The following PROSER1 variants were observed in gnomAD, a reference collection of about 807,000 sequenced individuals.
PROSER1 encodes proline and serine-rich protein 1.
PROSER1 carries 36 observed loss-of-function variants against 71.8 expected under a neutral mutation model. That is an observed-to-expected ratio of 0.50 (90% CI 0.38 to 0.66). PROSER1 has a LOEUF of 0.66. Among genes scored for constraint, PROSER1 ranks in the 30% least tolerant of loss-of-function variants. The pLI is 0.00. For missense variants in PROSER1, 1,107 were observed against 1,135.0 expected (o/e 0.98, Z 0.35); for synonymous variants, 490 against 452.4 (o/e 1.08, Z -1.06).
Position 39,022,181 on chromosome 13 carries a change from C to G in PROSER1, c.730+145G>C, listed in dbSNP as rs921694713. Reference sequence around the variant, plus strand: ...CATCAAGACTATGAAAACTGTCCCACATTACCAAGGATTCACTTCCAGATC... The same window carrying G: ...CATCAAGACTATGAAAACTGTCCCAGATTACCAAGGATTCACTTCCAGATC... On this transcript the variant is annotated intron_variant, in intron 9 of 12. Coordinates refer to ENST00000352251, the MANE Select transcript of PROSER1 (RefSeq NM_025138.5). 1.4e-5 allele frequency: 9 copies of G among 634,592 alleles called. No individual in the cohort carries two copies. In the Admixed American group the frequency reaches 2.5e-4, roughly 17 times the overall value. The allele number at this position is 634,592 out of a possible 1,614,324, so 39.3% of individuals were successfully genotyped here. A position where few individuals can be genotyped will look rare whatever the true frequency, so the allele number is the denominator to read the frequency against.
chr13:39,022,914 A>T, intron 8 of PROSER1, 138 bp downstream of exon 8: 1 of 635,468 alleles, frequency 1.6e-6, no homozygotes, highest in Non-Finnish European at 2.8e-6. Context: ...CTACTAGCTA[A>T]CTATGGGCAT....
chr13:39,028,066 C>T (rs1263897956), intron 5 of PROSER1, among the ~76,000 whole-genome samples, 161 bp downstream of exon 5: 1 of 152,138 alleles, frequency 6.6e-6, no homozygotes. Flanking sequence ...CATCAACCAG[C>T]TCTATTTCCA....
At chr13:39,032,172 T>C (rs1870876848) in intron 2 of PROSER1, among the ~76,000 whole-genome samples, 1 of 152,166 alleles carries the variant, frequency 6.6e-6, no homozygotes, top group African/African-American at 2.4e-5. Context: ...ACTTTAGTCC[T>C]AGTAGGTCCT....
chr13:39,026,300 T>C lies in PROSER1; in HGVS notation c.457A>G (p.Ser153Gly). 6.2e-7 allele frequency: 1 copy of C among 1,611,896 alleles called. No individual in the cohort carries two copies. Among genetic ancestry groups the C allele is most frequent in the Non-Finnish European group, 8.5e-7 (1 of 1,178,784 alleles). The part of the protein sequence containing the change: ...PGNPYPKGRP[S>G]RINGIFPGTP... ...ACTGGGAAAATTCCATTTATGCGGC[T>C]AGGTCTTCCTTTGGGATATGGATTT... Residue 153 changes from serine to glycine, a missense_variant, in exon 6 of 13, where the codon AGC becomes GGC. Transcript: ENST00000352251.
Position 39,012,767 on chromosome 13 carries a change from A to G in PROSER1, c.2485T>C (p.Ser829Pro). 1 of 1,613,880 alleles carries G rather than the reference A, an allele frequency of 6.2e-7. No homozygotes were observed. The highest frequency in any genetic ancestry group is 8.5e-7 in the Non-Finnish European group (1 of 1,179,852). ...AATCCTGGGAGGACTGGAGCTGGGG[A>G]TGGGGCTGTGGCAGCCACAGGTAGT... The part of the protein sequence containing the change: ...TPLPVAATAP[S>P]PAPVLPGFAS... The change falls in exon 11 of 13, where the codon TCC becomes CCC. Residue 829 changes from serine to proline, a missense_variant. By Grantham distance (74) the Ser-to-Pro change is moderately conservative (BLOSUM62 -1). Transcript: ENST00000352251.
In PROSER1 at chr13:39,014,348, T is replaced by A; in HGVS notation, c.904A>T (p.Thr302Ser). Residue 302 changes from threonine (T) to serine (S), a missense_variant, in exon 11 of 13, where the codon ACC becomes TCC. Thr to Ser is a moderately conservative substitution (Grantham distance 58). Coordinates refer to ENST00000352251, the MANE Select transcript of PROSER1 (RefSeq NM_025138.5). ...INHPSASAAATVSGMNLLNTV... is the reference protein window; with the variant it reads ...INHPSASAAASVSGMNLLNTV... ...TTCAGCAGGTTCATTCCAGAAACGG[T>A]GGCAGCTGCTGATGCTGATGGATGA... 6.2e-7 allele frequency: 1 copy of A among 1,613,956 alleles called. No individual in the cohort carries two copies. Among genetic ancestry groups the A allele is most frequent in the Non-Finnish European group, 8.5e-7 (1 of 1,179,948 alleles).
At chr13:39,019,104 C>G (rs1870157694) in intron 9 of PROSER1, among the ~76,000 whole-genome samples, 1 of 151,962 alleles carries the variant, frequency 6.6e-6, no homozygotes, top group Non-Finnish European at 1.5e-5. Context: ...AAGAATCAAA[C>G]AAACAGAAGA....
chr13:39,011,440 C>T lies in PROSER1; in HGVS notation c.2760G>A (p.Gly920=). The T allele has an allele frequency of 6.2e-7, 1 of 1,613,900 alleles. No homozygotes were observed. Among genetic ancestry groups the T allele is most frequent in the Non-Finnish European group, 8.5e-7 (1 of 1,179,816 alleles). Residue 920 remains glycine (G), a synonymous_variant, in exon 13 of 13, where the codon GGG becomes GGA. Transcript: ENST00000352251. ...CTGGCGCTGAAGGATAACTAGGAAA[C>T]CCATCAGGCTGAGCTGGATAGCTTT... ...ALESYPAQPD[G]FPSYPSAPGT... is the part of the protein sequence containing the mutation.
chr13:39,028,533 G>C (rs1434722973), intron 4 of PROSER1, among the ~76,000 whole-genome samples: 1 of 152,032 alleles, frequency 6.6e-6, no homozygotes, highest in Non-Finnish European at 1.5e-5. Flanking sequence ...AAGTAAAACA[G>C]TAATACTGCA....
In PROSER1 at chr13:39,018,495, C is replaced by CACACACACAA. The variant is rs1555239009; in HGVS notation, c.731-952_731-951insTTGTGTGTGT. ...CCCGACACACACACACACACACACA[C>CACACACACAA]ACACACACACACACACACACACTAC... On this transcript the variant is annotated intron_variant, in intron 9 of 12. Coordinates refer to ENST00000352251, the MANE Select transcript of PROSER1 (RefSeq NM_025138.5). 4.8e-4 allele frequency among the ~76,000 whole-genome samples: 71 copies of CACACACACAA among 147,430 alleles called. 1 individual carries two copies. The highest frequency in any genetic ancestry group is 1.7e-3 in the African/African-American group (70 of 40,560).
chr13:39,037,025 T>C (rs1252469719), intron 1 of PROSER1, among the ~76,000 whole-genome samples, 173 bp downstream of exon 1: 2 of 152,246 alleles, frequency 1.3e-5, no homozygotes, highest in Non-Finnish European at 2.9e-5. Context: ...ACTTAATTTC[T>C]ATTTGTACTG....
Position 39,013,602 on chromosome 13 carries a change from G to C in PROSER1, c.1650C>G (p.Ser550=). 1.2e-6 allele frequency: 2 copies of C among 1,614,146 alleles called. No homozygotes were observed. Among genetic ancestry groups the C allele is most frequent in the Non-Finnish European group, 1.7e-6 (2 of 1,180,018 alleles). Reference sequence around the variant, plus strand: ...ACTGTACAGGCAATGTCAGGGGAGTGGAAGTTGAGTTAGCCACGGGAGACG... The same window carrying C: ...ACTGTACAGGCAATGTCAGGGGAGTCGAAGTTGAGTTAGCCACGGGAGACG... ...GLPSPVANST[S]TPLTLPVQSP... is the part of the protein sequence containing the mutation. Residue 550 remains serine (S), a synonymous_variant, in exon 11 of 13, where the codon TCC becomes TCG. Transcript: ENST00000352251.
intron 11 of PROSER1, 186 bp from the exon 12 acceptor site, chr13:39,012,419 T>G: frequency 1.4e-6 from 1 of 689,676 alleles, no homozygotes; most frequent in Non-Finnish European, 2.4e-6. Context: ...TGAAGTATAT[T>G]ATTCGAAATT....
At chr13:39,032,889 T>C (rs1388949206) in intron 2 of PROSER1, among the ~76,000 whole-genome samples, 1 of 152,152 alleles carries the variant, frequency 6.6e-6, no homozygotes, top group African/African-American at 2.4e-5. Context: ...TGCTATTAGC[T>C]GTAAGAAATT....
At chr13:39,026,170 A>G in intron 6 of PROSER1, 107 bp downstream of exon 6, 2 of 676,996 alleles carry the variant, frequency 3.0e-6, no homozygotes, top group South Asian at 3.9e-5. Context: ...GAGCCTGTGA[A>G]TTAAGTTACC....
rs1422588219 is a variant in PROSER1, at chr13:39,012,869, TAG to T, written c.2381_2382del (p.Ser794Ter). 1 of 1,613,932 alleles carries T rather than the reference TAG, an allele frequency of 6.2e-7. No homozygotes were observed. Among genetic ancestry groups the T allele is most frequent in the Non-Finnish European group, 8.5e-7 (1 of 1,180,012 alleles). ...SNPSYPGFSVSNTPSVTPALP... is the reference protein window; with the variant it reads ...SNPSYPGFSVXNTPSVTPALP... ...AGAGCAGGGGTAACGCTTGGGGTAT[TAG>T]AGACAGAAAAGCCTGGATAGGAGGG... On this transcript the variant is annotated frameshift_variant, in exon 11 of 13. Transcript: ENST00000352251. LOFTEE classifies it high-confidence loss of function.
intron 5 of PROSER1, among the ~76,000 whole-genome samples, chr13:39,026,777 T>C (rs1201437212): frequency 4.6e-5 from 7 of 152,156 alleles, no homozygotes; most frequent in Admixed American, 4.6e-4. Flanking sequence ...GGAAGAAACA[T>C]GGTCCCTGCT....
rs775233433 is a variant in PROSER1 at position 39,031,573 on chromosome 13, G to A, written c.170C>T (p.Ala57Val). 19 of 1,609,626 alleles carry A rather than the reference G, an allele frequency of 1.2e-5. No homozygotes were observed. Among genetic ancestry groups the A allele is most frequent in the Admixed American group, 1.7e-5 (1 of 59,022 alleles). Residue 57 changes from alanine (A) to valine (V), a missense_variant, in exon 3 of 13, where the codon GCA (alanine) becomes GTA (valine). Physicochemically the swap from Ala to Val is moderately conservative, Grantham distance 64. Coordinates refer to ENST00000352251, the MANE Select transcript of PROSER1 (RefSeq NM_025138.5). ...WAEPQLKAMK[A>V]LQHKMVAVQP... Reference sequence around the variant, plus strand: ...AAATAAGTTACTTACATGCTGTAATGCTTTCATTGCCTTCAACTGGGGCTC... The same window carrying A: ...AAATAAGTTACTTACATGCTGTAATACTTTCATTGCCTTCAACTGGGGCTC...
intron 1 of PROSER1, 129 bp downstream of exon 1, chr13:39,037,069 C>A: frequency 1.5e-6 from 1 of 687,100 alleles, no homozygotes; most frequent in Non-Finnish European, 2.6e-6. Context: ...CTCCATTACA[C>A]GTGAAAATTC....
Sources: allele counts gnomAD v4.1 joint callset (sites outside exome capture counted in the v4.1 genomes callset), GRCh38; gene constraint gnomAD v4.1.1; transcripts MANE v1.5; gene names NCBI Gene and HGNC (gene_info 2026-07-23, HGNC 2026-07-21).